SETD7: variants seen among roughly 807,000 people sequenced by gnomAD.
SETD7 encodes histone-lysine N-methyltransferase SETD7.
SETD7 carries 16 observed loss-of-function variants against 41.8 expected under a neutral mutation model. The ratio of observed to expected loss-of-function variants is 0.38; its 90% CI spans 0.26 to 0.58. The LOEUF is 0.58. Among genes scored for constraint, SETD7 ranks in the 20% least tolerant of loss-of-function variants. SETD7 has a pLI of 0.64. For missense variants in SETD7, 346 were observed against 459.7 expected, an observed-to-expected ratio of 0.75 and a Z score of 2.26; for synonymous variants, 163 against 169.7, an observed-to-expected ratio of 0.96 and a Z score of 0.31.
rs2111185269 is a variant in SETD7 at position 139,555,927 on chromosome 4, C to G, written c.40+171G>C. Among the ~76,000 whole-genome samples, 1 of 152,068 alleles carries G rather than the reference C, an allele frequency of 6.6e-6. No individual in the cohort carries two copies. Among genetic ancestry groups the G allele is most frequent in the East Asian group, 1.9e-4 (1 of 5,162 alleles). ...CGCCCCGCCGCGCAGTGCGCGCTCC[C>G]GGCGGCGTGACCGTGGCTGTCGGGC... is the stretch of plus-strand genomic sequence containing the variant. On this transcript the variant is annotated intron_variant, in intron 1 of 7. Coordinates refer to ENST00000274031, the MANE Select transcript of SETD7 (RefSeq NM_030648.4). This position sits in a 1 kb window ranked among gnomAD's most constrained non-coding sequence, Gnocchi z 4.0.
In SETD7 at chr4:139,551,930, CTGG is replaced by C; in HGVS notation, c.40+4165_40+4167del. On this transcript the variant is annotated intron_variant, in intron 1 of 7. Coordinates refer to ENST00000274031, the MANE Select transcript of SETD7 (RefSeq NM_030648.4). ...TGTTTAATGCAAAGAACATGCCCTC[CTGG>C]TGATGCATTCAATCACCAACTCTTA... 1.3e-5 allele frequency among the ~76,000 whole-genome samples: 2 copies of C among 152,272 alleles called. 1 individual carries two copies. The highest frequency in any genetic ancestry group is 4.1e-4 in the South Asian group (2 of 4,826).
chr4:139,523,449 A>G lies in SETD7; in HGVS notation c.563-14T>C, dbSNP rs1385930214. 2 of 1,587,116 alleles carry G rather than the reference A, an allele frequency of 1.3e-6. No homozygotes were observed. Among genetic ancestry groups the G allele is most frequent in the Non-Finnish European group, 1.7e-6 (2 of 1,155,630 alleles). On this transcript the variant is annotated splice_polypyrimidine_tract_variant and intron_variant, in intron 4 of 7. Transcript: ENST00000274031. ...GGTACACTGAATCTGAAAAGCAAAC[A>G]AAAATACCAGTATAGGTGCAGAGTT... is the stretch of plus-strand genomic sequence containing the variant.
intron 2 of SETD7, among the ~76,000 whole-genome samples, chr4:139,535,992 T>C (rs1400091846): frequency 6.6e-6 from 1 of 152,218 alleles, no homozygotes; most frequent in East Asian, 1.9e-4. Context: ...TGGCAAACTA[T>C]GGCCTGCTGA....
In SETD7 at chr4:139,507,354, G is replaced by A. The variant is rs2111115579; in HGVS notation, c.*4309C>T. 6.5e-6 allele frequency: 1 copy of A among 152,672 alleles called. No homozygotes were observed. The highest frequency in any genetic ancestry group is 2.1e-4 in the South Asian group (1 of 4,828). 9.5% of individuals were successfully genotyped at this position (152,672 alleles called of 1,614,324 possible). ...CACCAGGAAGCGGCTGAGGCACTGG[G>A]GAAGCCTACGAGCTCTCTCCACGTC... On this transcript the variant is annotated 3_prime_UTR_variant, in exon 8 of 8. Coordinates refer to ENST00000274031, the MANE Select transcript of SETD7 (RefSeq NM_030648.4).
intron 5 of SETD7, among the ~76,000 whole-genome samples, chr4:139,521,651 C>G (rs1283657055): frequency 6.6e-6 from 1 of 152,172 alleles, no homozygotes; most frequent in East Asian, 1.9e-4. Flanking sequence ...TAGTGCCTCC[C>G]TCAGGGTGGG....
rs774979698 is a variant in SETD7, at chr4:139,533,379, G to C, written c.171-13C>G. ...CCCCTCCAGGGTGCTGTGAGGAAAG[G>C]AAAAACAAAAAGGAATAGTCAGACC... On this transcript the variant is annotated splice_polypyrimidine_tract_variant and intron_variant, in intron 2 of 7. Transcript: ENST00000274031. 5.0e-6 allele frequency: 8 copies of C among 1,601,542 alleles called. No individual in the cohort carries two copies. The African/African-American group carries it at 1.1e-4, about 22-fold the overall frequency.
intron 2 of SETD7, among the ~76,000 whole-genome samples, chr4:139,537,723 G>A (rs1208273617): frequency 6.6e-6 from 1 of 152,164 alleles, no homozygotes; most frequent in East Asian, 1.9e-4. Context: ...ATGGAAACTG[G>A]GATCATTTTG....
chr4:139,496,498 G>A (rs558558168), exon 8 of SETD7: 10 of 701,950 alleles, frequency 1.4e-5, no homozygotes, highest in South Asian at 7.4e-5. Flanking sequence ...TCTTTTACAC[G>A]TTCCCAGGTG....
rs1386067890 is a variant in SETD7 at position 139,507,997 on chromosome 4, C to T, written c.*3666G>A. The T allele has an allele frequency of 6.6e-6, 1 of 152,300 alleles. No homozygotes were observed. The highest frequency in any genetic ancestry group is 2.1e-4 in the South Asian group (1 of 4,826). 9.4% of individuals were successfully genotyped at this position (152,300 alleles called of 1,614,324 possible). A position where few individuals can be genotyped will look rare whatever the true frequency, so the allele number is the denominator to read the frequency against. ...AGCAAAACAGAAAATGATACCTCTA[C>T]CTTCTTGGAAGATTTTAAATGCATG... On this transcript the variant is annotated 3_prime_UTR_variant, in exon 8 of 8. Coordinates refer to ENST00000274031, the MANE Select transcript of SETD7 (RefSeq NM_030648.4).
chr4:139,548,857 T>C (rs1219495863), intron 1 of SETD7, among the ~76,000 whole-genome samples: 1 of 152,152 alleles, frequency 6.6e-6, no homozygotes, highest in South Asian at 2.1e-4. Context: ...AAATTAATGG[T>C]CAGAAGGGAA....
intron 7 of SETD7, among the ~76,000 whole-genome samples, chr4:139,498,898 G>A (rs968819811): frequency 2.6e-5 from 4 of 152,138 alleles, no homozygotes; most frequent in Non-Finnish European, 5.9e-5. Context: ...ATCTCTTGAG[G>A]CCAGGAGTTG....
chr4:139,496,288 A>G (rs1726453063), exon 8 of SETD7: 4 of 636,132 alleles, frequency 6.3e-6, no homozygotes, highest in Non-Finnish European at 1.1e-5. Context: ...TCTTGAGGGA[A>G]GCCTATGTTC....
rs1726885878 is a variant in SETD7 at position 139,511,796 on chromosome 4, C to T, written c.968G>A (p.Arg323Lys). ...GAGCTCTTCATCGGCCTCCACTGCT[C>T]TCAGGGTGCGGATGCATTTGATGGG... ...FGPIKCIRTL[R>K]AVEADEELTV... The change falls in exon 8 of 8, where the codon AGA (arginine) becomes AAA (lysine). Residue 323 changes from arginine (R) to lysine (K), a missense_variant. This residue lies in a region of SETD7 where 75 missense variants were observed against 65.5 expected (regional missense o/e 1.14). Transcript: ENST00000274031. 6.2e-7 allele frequency: 1 copy of T among 1,614,114 alleles called. No homozygotes were observed. Among genetic ancestry groups the T allele is most frequent in the East Asian group, 2.2e-5 (1 of 44,878 alleles).
chr4:139,543,652 A>G (rs1727839535), intron 2 of SETD7, among the ~76,000 whole-genome samples: 1 of 152,102 alleles, frequency 6.6e-6, no homozygotes, highest in Non-Finnish European at 1.5e-5. Context: ...TGAGTGGTAG[A>G]TATAAAAATT....
chr4:139,503,964 C>G (rs561738954), downstream of SETD7, among the ~76,000 whole-genome samples: 3 of 152,292 alleles, frequency 2.0e-5, no homozygotes, highest in African/African-American at 7.2e-5. Context: ...GCTGTGATGG[C>G]TGGAACCTGG....
At chr4:139,545,677 A>G (rs981906604) in intron 2 of SETD7, among the ~76,000 whole-genome samples, 3 of 152,188 alleles carry the variant, frequency 2.0e-5, no homozygotes, top group Non-Finnish European at 2.9e-5. Context: ...AGCCTGAGAA[A>G]TGTTACCCCC....
downstream of SETD7, among the ~76,000 whole-genome samples, chr4:139,501,845 G>T (rs553651329): frequency 1.2e-4 from 18 of 152,320 alleles, 1 homozygote; most frequent in South Asian, 3.7e-3. Flanking sequence ...AGACACGGCA[G>T]GTCCCGAAGA....
chr4:139,536,368 T>C (rs1727636513), intron 2 of SETD7, among the ~76,000 whole-genome samples: 1 of 152,060 alleles, frequency 6.6e-6, no homozygotes, highest in African/African-American at 2.4e-5. Context: ...ACAAAAATAA[T>C]CATGGACTAA....
At chr4:139,537,236 A>G (rs2111159401) in intron 2 of SETD7, among the ~76,000 whole-genome samples, 1 of 152,256 alleles carries the variant, frequency 6.6e-6, no homozygotes, top group Non-Finnish European at 1.5e-5. Context: ...CGGCCTCCCA[A>G]AGTGCTGGGA....
Sources: allele counts gnomAD v4.1 joint callset (sites outside exome capture counted in the v4.1 genomes callset), GRCh38; gene constraint gnomAD v4.1.1; regional missense constraint gnomAD v4.1.1; non-coding constraint Gnocchi (gnomAD v3.1); transcripts MANE v1.5; gene names NCBI Gene and HGNC (gene_info 2026-07-23, HGNC 2026-07-21).